The following CPLANE1 variants were observed in gnomAD, a reference collection of about 807,000 sequenced individuals.
The protein encoded by CPLANE1 is ciliogenesis and planar polarity effector complex subunit 1.
A neutral mutation model predicts 362.5 loss-of-function variants in CPLANE1; 263 were observed. The ratio of observed to expected loss-of-function variants is 0.73; its 90% CI spans 0.66 to 0.80. CPLANE1 has a LOEUF of 0.80. CPLANE1 is among the 30% of genes least tolerant of loss of function. The pLI is 0.00. For missense variants in CPLANE1, 3,461 were observed against 3,793.4 expected (o/e 0.91, Z 2.30); for synonymous variants, 1,212 against 1,302.6 (o/e 0.93, Z 1.50).
At chr5:37,083,123 A>G in the CPLANE1 span, among the ~76,000 whole-genome samples, 1 of 152,200 alleles carries the variant, frequency 6.6e-6, no homozygotes, top group Admixed American at 6.5e-5. Context: ...GACAACCCCC[A>G]GTACCGGCCT....
the CPLANE1 span, among the ~76,000 whole-genome samples, chr5:37,077,802 G>C: frequency 2.6e-5 from 4 of 151,732 alleles, no homozygotes; most frequent in Admixed American, 6.6e-5. Flanking sequence ...TTTTTGTAGA[G>C]ACAGGGTCTC....
intron 21 of CPLANE1, among the ~76,000 whole-genome samples, chr5:37,190,286 A>C (rs959284414): frequency 2.0e-5 from 3 of 151,916 alleles, no homozygotes; most frequent in African/African-American, 4.8e-5. Flanking sequence ...AGATGGACTT[A>C]TAGGCCAGGC....
rs530630786 is a variant in CPLANE1 at position 37,166,961 on chromosome 5, A to G, written c.7400+86T>C. The stretch of plus-strand genomic sequence containing the variant: ...TGTGCAATTGTGTATAGCCTAGGAG[A>G]CTGAACCAGATTACTGTGTGATTAT... On this transcript the variant is annotated intron_variant, in intron 35 of 52. Coordinates refer to ENST00000651892, the MANE Select transcript of CPLANE1 (RefSeq NM_001384732.1). 18 of 1,088,408 alleles carry G rather than the reference A, an allele frequency of 1.7e-5. No individual in the cohort carries two copies. In the African/African-American group the frequency reaches 1.9e-4, roughly 11 times the overall value. The allele number at this position is 1,088,408 out of a possible 1,614,324, so 67.4% of individuals were successfully genotyped here.
intron 43 of CPLANE1, among the ~76,000 whole-genome samples, chr5:37,146,816 A>G (rs1172466590): frequency 6.6e-6 from 1 of 152,186 alleles, no homozygotes; most frequent in Non-Finnish European, 1.5e-5. Flanking sequence ...GAAATTTTAC[A>G]TAAAATTTTA....
At chr5:37,125,962 G>A (rs2150148834) in intron 46 of CPLANE1, among the ~76,000 whole-genome samples, 1 of 152,244 alleles carries the variant, frequency 6.6e-6, no homozygotes, top group South Asian at 2.1e-4. Flanking sequence ...ACAGGGCTGG[G>A]CTCAGTGGCT....
intron 6 of CPLANE1, among the ~76,000 whole-genome samples, chr5:37,240,089 C>T (rs1185611935): frequency 6.6e-6 from 1 of 152,138 alleles, no homozygotes; most frequent in East Asian, 1.9e-4. Context: ...CGGTAGCTCA[C>T]ACCTGTAATC....
chr5:37,239,546 G>A (rs568533052), intron 7 of CPLANE1, among the ~76,000 whole-genome samples, 167 bp downstream of exon 7: 2 of 127,382 alleles, frequency 1.6e-5, no homozygotes, highest in Non-Finnish European at 3.1e-5. Context: ...TCGCACCACT[G>A]CACTCCAGCC....
intron 46 of CPLANE1, among the ~76,000 whole-genome samples, chr5:37,128,140 AT>A (rs1182079250): frequency 6.6e-6 from 1 of 152,104 alleles, no homozygotes; most frequent in Admixed American, 6.5e-5. Context: ...ATTACAAAAA[AT>A]TTTTTTTGAG....
the CPLANE1 span, among the ~76,000 whole-genome samples, chr5:37,094,514 C>T: frequency 6.6e-6 from 1 of 152,120 alleles, no homozygotes; most frequent in Non-Finnish European, 1.5e-5. Flanking sequence ...TCTAAGGCCT[C>T]ACTTCAAGGA....
intron 15 of CPLANE1, among the ~76,000 whole-genome samples, chr5:37,220,442 A>G (rs1795116307): frequency 6.6e-6 from 1 of 152,152 alleles, no homozygotes; most frequent in East Asian, 1.9e-4. Flanking sequence ...TCATTCATAT[A>G]TATCTTTCCC....
At chr5:37,247,250 A>G (rs1209995410) in intron 2 of CPLANE1, among the ~76,000 whole-genome samples, 1 of 152,234 alleles carries the variant, frequency 6.6e-6, no homozygotes. Context: ...CATGAAAACC[A>G]CAATAGGAGG....
At chr5:37,142,210 C>T (rs1441889678) in intron 44 of CPLANE1, 100 bp downstream of exon 44, 2 of 1,324,836 alleles carry the variant, frequency 1.5e-6, no homozygotes, top group Non-Finnish European at 1.9e-6. Context: ...TACAAAATGA[C>T]TTCACAAACC....
chr5:37,210,852 C>T, intron 16 of CPLANE1: 1 of 839,986 alleles, frequency 1.2e-6, no homozygotes, highest in Non-Finnish European at 2.1e-6. Context: ...AGTGGTTGAG[C>T]ATGAGGAGTT....
the CPLANE1 span, among the ~76,000 whole-genome samples, chr5:37,079,482 T>C: frequency 1.3e-5 from 2 of 152,210 alleles, no homozygotes; most frequent in Non-Finnish European, 2.9e-5. Flanking sequence ...TTAAATCCTA[T>C]GTAAAAAGTT....
rs369742855 is a variant in CPLANE1, at chr5:37,229,089, G to A, written c.1122-1272C>T. Among the ~76,000 whole-genome samples, 16 of 151,366 alleles carry A rather than the reference G, an allele frequency of 1.1e-4. No homozygotes were observed. The South Asian group carries it at 1.9e-3, about 18-fold the overall frequency. ...ACAAAAATTATCTGGGCGTGGTGGCGCGCGCCTGCAATTCCAGCTACTCAG... is the reference window on the plus strand; with the variant it reads ...ACAAAAATTATCTGGGCGTGGTGGCACGCGCCTGCAATTCCAGCTACTCAG... On this transcript the variant is annotated intron_variant, in intron 9 of 52. Coordinates refer to ENST00000651892, the MANE Select transcript of CPLANE1 (RefSeq NM_001384732.1).
chr5:37,151,120 C>G (rs1182905212), intron 42 of CPLANE1, among the ~76,000 whole-genome samples: 1 of 152,118 alleles, frequency 6.6e-6, no homozygotes, highest in Non-Finnish European at 1.5e-5. Flanking sequence ...TCCTTGTCTC[C>G]CCTCTCCTAC....
At chr5:37,091,901 C>T in the CPLANE1 span, among the ~76,000 whole-genome samples, 1 of 152,170 alleles carries the variant, frequency 6.6e-6, no homozygotes, top group African/African-American at 2.4e-5. Flanking sequence ...ATGGATGACA[C>T]AAGCCCCGGA....
In CPLANE1 at chr5:37,230,925, A is replaced by G. The variant is rs1797599332; in HGVS notation, c.1063T>C (p.Cys355Arg). The G allele has an allele frequency of 6.5e-7, 1 of 1,550,098 alleles. No homozygotes were observed. Among genetic ancestry groups the G allele is most frequent in the Admixed American group, 2.0e-5 (1 of 50,728 alleles). ...GELLTLITFGCSIEFGPAEFI... is the reference protein window; with the variant it reads ...GELLTLITFGRSIEFGPAEFI... The stretch of plus-strand genomic sequence containing the variant: ...TCTGCTGGGCCAAATTCTATAGAGC[A>G]ACCAAATGTAATTAATGTTAGCAAT... Residue 355 changes from cysteine (C) to arginine (R), a missense_variant, in exon 9 of 53, where the codon TGC becomes CGC. Around this residue, in one of 2 missense-constraint regions of CPLANE1, gnomAD observed 3,380 missense variants for 3,666.1 expected, o/e 0.92. Transcript: ENST00000651892.
At chr5:37,208,771 C>A (rs1034249211) in intron 16 of CPLANE1, among the ~76,000 whole-genome samples, 1 of 150,894 alleles carries the variant, frequency 6.6e-6, no homozygotes, top group Non-Finnish European at 1.5e-5. Context: ...CACTCAGTCA[C>A]GCTGTATTGC....
Sources: gnomAD v4.1 joint callset for allele counts (sites outside exome capture counted in the v4.1 genomes callset) on GRCh38, gnomAD v4.1.1 for gene constraint, gnomAD v4.1.1 regional missense constraint, MANE v1.5 for transcripts, NCBI Gene and HGNC (gene_info 2026-07-23, HGNC 2026-07-21) for gene names.